Variants in ADCYAP1R1 observed in about 807,000 individuals in gnomAD.
ADCYAP1R1 encodes pituitary adenylate cyclase-activating polypeptide type I receptor.
ADCYAP1R1 carries 44 observed loss-of-function variants against 67.6 expected under a neutral mutation model. The observed-to-expected ratio is 0.65, with a 90% CI of 0.51 to 0.84. The LOEUF is 0.84. Among genes scored for constraint, ADCYAP1R1 ranks in the 40% least tolerant of loss-of-function variants. The pLI is 0.00. For missense variants in ADCYAP1R1, 477 were observed against 587.9 expected, an observed-to-expected ratio of 0.81 and a Z score of 1.95; for synonymous variants, 222 against 219.6, an observed-to-expected ratio of 1.01 and a Z score of -0.10.
Position 31,081,728 on chromosome 7 carries a change from G to C in ADCYAP1R1, c.302G>C (p.Gly101Ala), listed in dbSNP as rs370642636. The change falls in exon 6 of 16, where the codon GGT (glycine) becomes GCT (alanine). Residue 101 changes from glycine (G) to alanine (A), a missense_variant. Physicochemically the swap from Gly to Ala is moderately conservative, Grantham distance 60 (BLOSUM62 0). Coordinates refer to ENST00000304166, the MANE Select transcript of ADCYAP1R1 (RefSeq NM_001118.5). ...TATTTTTCAGGAGAGTCTGATTTTG[G>C]TGACAGTAACTCCTTAGATCTCTCA... is the stretch of plus-strand genomic sequence containing the variant. ...ETETIGESDFGDSNSLDLSDM... is the reference protein window; with the variant it reads ...ETETIGESDFADSNSLDLSDM... The C allele has an allele frequency of 1.1e-5, 17 of 1,598,122 alleles. No individual in the cohort carries two copies. Among genetic ancestry groups the C allele is most frequent in the Middle Eastern group, 1.7e-4 (1 of 6,040 alleles).
intron 15 of ADCYAP1R1, among the ~76,000 whole-genome samples, chr7:31,105,198 A>T (rs115878953): frequency 6.6e-6 from 1 of 152,228 alleles, no homozygotes; most frequent in African/African-American, 2.4e-5. Flanking sequence ...CTGAGCGCAG[A>T]TCTCCCTGGG....
rs868346462 is a variant in ADCYAP1R1 at position 31,055,107 on chromosome 7, A to G, written c.-72+2429A>G. Among the ~76,000 whole-genome samples, 12 of 152,300 alleles carry G rather than the reference A, an allele frequency of 7.9e-5. No homozygotes were observed. In the South Asian group the frequency reaches 2.5e-3, roughly 32 times the overall value. On this transcript the variant is annotated intron_variant, in intron 1 of 15. Coordinates refer to ENST00000304166, the MANE Select transcript of ADCYAP1R1 (RefSeq NM_001118.5). ...GCCACCCCCACAGTGACACACAGAG[A>G]GGGAATGACACACAGCTGGGACGGC...
At position 31,093,712 on chromosome 7, in the gene ADCYAP1R1, A is replaced by G. The variant is rs60497272; in HGVS notation, c.1046+977A>G. On this transcript the variant is annotated intron_variant, in intron 13 of 15. Transcript: ENST00000304166. ...CTTCTCCGCTCCTTCAGAAGAAAGC[A>G]GATGAGGAGGAGCTGAGGTATCTTC... Among the ~76,000 whole-genome samples, 1,514 of 152,262 alleles carry G rather than the reference A, an allele frequency of 9.9e-3. 24 individuals are homozygous for G. The highest frequency in any genetic ancestry group is 0.034 in the African/African-American group (1,426 of 41,552).
intron 4 of ADCYAP1R1, among the ~76,000 whole-genome samples, chr7:31,078,938 C>CT (rs1795398720): frequency 6.6e-6 from 1 of 152,262 alleles, no homozygotes; most frequent in African/African-American, 2.4e-5. Flanking sequence ...TGGGGCATAT[C>CT]TGTGTTTGAG....
intron 4 of ADCYAP1R1, 137 bp from the exon 5 acceptor site, chr7:31,080,476 C>A: frequency 1.2e-6 from 1 of 855,992 alleles, no homozygotes; most frequent in Non-Finnish European, 1.8e-6. Flanking sequence ...TCTGGGTCCC[C>A]CAGAGCCCCT....
At position 31,084,817 on chromosome 7, in the gene ADCYAP1R1, C is replaced by T. The variant is rs377117644; in HGVS notation, c.519C>T (p.Val173=). 1 of 1,614,162 alleles carries T rather than the reference C, an allele frequency of 6.2e-7. No individual in the cohort carries two copies. The highest frequency in any genetic ancestry group is 8.5e-7 in the Non-Finnish European group (1 of 1,180,000). The change falls in exon 8 of 16, where the codon GTC becomes GTT. Residue 173 remains valine (V), a synonymous_variant. Coordinates refer to ENST00000304166, the MANE Select transcript of ADCYAP1R1 (RefSeq NM_001118.5). The stretch of plus-strand genomic sequence containing the variant: ...TCGTCACCCTCACCACTGCCATGGT[C>T]ATCCTTTGTCGCTTCCGGTGAGACC... The part of the protein sequence containing the change: ...TSLVTLTTAM[V]ILCRFRKLHC...
chr7:31,071,843 T>G (rs1794994878), intron 3 of ADCYAP1R1, among the ~76,000 whole-genome samples: 1 of 152,184 alleles, frequency 6.6e-6, no homozygotes, highest in African/African-American at 2.4e-5. Context: ...TGTCTCCTCT[T>G]GGCTCTTAGC....
intron 13 of ADCYAP1R1, among the ~76,000 whole-genome samples, chr7:31,101,884 T>C (rs1275981230): frequency 6.6e-6 from 1 of 152,228 alleles, no homozygotes; most frequent in African/African-American, 2.4e-5. Flanking sequence ...CGGATCCTGG[T>C]GGCCCTTGTC....
chr7:31,098,492 C>A (rs989054379), intron 13 of ADCYAP1R1, among the ~76,000 whole-genome samples: 1 of 152,138 alleles, frequency 6.6e-6, no homozygotes, highest in Non-Finnish European at 1.5e-5. Context: ...GAGGTGGCAC[C>A]TGGGATTCTG....
At chr7:31,105,000 A>C in intron 15 of ADCYAP1R1, 91 bp downstream of exon 15, 1 of 1,333,386 alleles carries the variant, frequency 7.5e-7, no homozygotes, top group South Asian at 1.2e-5. Context: ...CATGGGACTG[A>C]CTCTTCAGAG....
rs150439709 is a variant in ADCYAP1R1 at position 31,108,424 on chromosome 7, C to T, written c.*1740C>T. ...TCTACCCTGCACCTGACCTCATGAT[C>T]CCCTCCACCTGCACTGGTGTGCATT... On this transcript the variant is annotated 3_prime_UTR_variant, in exon 16 of 16. Transcript: ENST00000304166. 1 of 152,376 alleles carries T rather than the reference C, an allele frequency of 6.6e-6. No homozygotes were observed. The highest frequency in any genetic ancestry group is 2.4e-5 in the African/African-American group (1 of 41,560). 9.4% of individuals were successfully genotyped at this position (152,376 alleles called of 1,614,324 possible). A position where few individuals can be genotyped will look rare whatever the true frequency, so the allele number is the denominator to read the frequency against.
intron 1 of ADCYAP1R1, among the ~76,000 whole-genome samples, chr7:31,053,850 G>T (rs2128610704): frequency 6.6e-6 from 1 of 152,288 alleles, no homozygotes; most frequent in Admixed American, 6.5e-5. Flanking sequence ...TGGGACTGCA[G>T]CTGGCCAGAG....
At chr7:31,099,043 AGT>A (rs3831724) in intron 13 of ADCYAP1R1, among the ~76,000 whole-genome samples, 1,774 of 152,312 alleles carry the variant, frequency 0.012, 35 homozygotes, top group East Asian at 0.082. Context: ...AGAAGGGGAA[AGT>A]GTTCATGGCT....
chr7:31,096,500 C>A (rs75990156), intron 13 of ADCYAP1R1, among the ~76,000 whole-genome samples: 6 of 152,134 alleles, frequency 3.9e-5, no homozygotes, highest in Non-Finnish European at 7.4e-5. Context: ...ACTAGTTACC[C>A]TCATGTTGCA....
rs371798662 is a variant in ADCYAP1R1 at position 31,071,628 on chromosome 7, C to A, written c.158-6363C>A. ...TGGTTTTCTTCCTCAGTCTTCTTTG[C>A]CAAGGCCTTTTCTAAATGCTGGCAT... On this transcript the variant is annotated intron_variant, in intron 3 of 15. Coordinates refer to ENST00000304166, the MANE Select transcript of ADCYAP1R1 (RefSeq NM_001118.5). 6.1e-4 allele frequency among the ~76,000 whole-genome samples: 93 copies of A among 152,320 alleles called. 2 individuals carry two copies. The highest frequency in any genetic ancestry group is 2.2e-3 in the African/African-American group (90 of 41,564).
intron 3 of ADCYAP1R1, among the ~76,000 whole-genome samples, chr7:31,076,962 C>T (rs979599711): frequency 2.0e-5 from 3 of 152,158 alleles, no homozygotes; most frequent in African/African-American, 7.2e-5. Flanking sequence ...TGTGTCTCCC[C>T]TCCCCACACA....
At chr7:31,053,392 A>T (rs932717915) in intron 1 of ADCYAP1R1, among the ~76,000 whole-genome samples, 1 of 151,884 alleles carries the variant, frequency 6.6e-6, no homozygotes, top group Non-Finnish European at 1.5e-5. Flanking sequence ...GCCCGCTGAG[A>T]CCCCTGCCTG....
intron 1 of ADCYAP1R1, among the ~76,000 whole-genome samples, chr7:31,053,018 CA>C (rs1413705941): frequency 6.6e-6 from 1 of 152,210 alleles, no homozygotes; most frequent in Admixed American, 6.5e-5. Context: ...GAAGGGAGAC[CA>C]GGGGGGCAGG....
intron 3 of ADCYAP1R1, among the ~76,000 whole-genome samples, chr7:31,074,841 C>G (rs540120440): frequency 6.6e-4 from 100 of 152,348 alleles, no homozygotes; most frequent in Non-Finnish European, 1.2e-3. Context: ...ATGTCTTTGC[C>G]TTCTTGGGTT....
Sources: allele counts gnomAD v4.1 joint callset (sites outside exome capture counted in the v4.1 genomes callset), GRCh38; gene constraint gnomAD v4.1.1; transcripts MANE v1.5; gene names NCBI Gene and HGNC (gene_info 2026-07-23, HGNC 2026-07-21).